The following IQCF5 variants were observed in gnomAD, a reference collection of about 807,000 sequenced individuals.
IQCF5 encodes IQ motif containing F5.
In IQCF5, 2 loss-of-function variants were observed where a neutral mutation model predicts 3.4. The observed-to-expected ratio is 0.58, with a 90% CI of 0.24 to 1.84. The LOEUF is 1.84. Among genes scored for constraint, IQCF5 ranks in the 40% most tolerant of loss-of-function variants. IQCF5 has a pLI of 0.17. For missense variants in IQCF5, 167 were observed against 191.6 expected (o/e 0.87, Z 0.76); for synonymous variants, 58 against 64.7 (o/e 0.90, Z 0.49).
chr3:51,874,650 C>T (rs1271610579), intron 1 of IQCF5: 4 of 357,714 alleles, frequency 1.1e-5, no homozygotes, highest in African/African-American at 6.4e-5. Context: ...ACCTCACACA[C>T]ATTGTGAACA....
At chr3:51,875,323 C>G in intron 1 of IQCF5, 1 of 629,252 alleles carries the variant, frequency 1.6e-6, no homozygotes, top group Non-Finnish European at 2.9e-6. Flanking sequence ...CTGCTAGGTG[C>G]CAAGTCAAAC....
Position 51,873,930 on chromosome 3 carries a change from G to A in IQCF5, c.250C>T (p.Arg84Cys), listed in dbSNP as rs1018528887. The change falls in exon 2 of 2, where the codon CGC (arginine) becomes TGC (cysteine). Residue 84 changes from arginine to cysteine, a missense_variant. Arg to Cys is a radical substitution (Grantham distance 180, BLOSUM62 -3). Coordinates refer to ENST00000446461, the MANE Select transcript of IQCF5 (RefSeq NM_001145059.2). ...TTGAGCAAACGACAGTAACGCTGGC[G>A]GACACACCACATGCGGACCCAGGAC... is the stretch of plus-strand genomic sequence containing the variant. ...LQSWVRMWCVRQRYCRLLNAV... is the reference protein window; with the variant it reads ...LQSWVRMWCVCQRYCRLLNAV... 1.0e-5 allele frequency: 16 copies of A among 1,551,692 alleles called. No homozygotes were observed. Among genetic ancestry groups the A allele is most frequent in the Admixed American group, 9.8e-5 (5 of 50,978 alleles).
chr3:51,874,293 G>C, intron 1 of IQCF5, 118 bp from the exon 2 acceptor site: 5 of 1,008,164 alleles, frequency 5.0e-6, no homozygotes, highest in Non-Finnish European at 7.5e-6. Flanking sequence ...GAACCCAGGA[G>C]ACCAGGTAGG....
At position 51,873,881 on chromosome 3, in the gene IQCF5, T is replaced by C. The variant is rs1296942221; in HGVS notation, c.299A>G (p.Tyr100Cys). The change falls in exon 2 of 2, where the codon TAT (tyrosine) becomes TGT (cysteine). Residue 100 changes from tyrosine (Y) to cysteine (C), a missense_variant. Physicochemically the swap from Tyr to Cys is radical, Grantham distance 194 (BLOSUM62 -2). Transcript: ENST00000446461. ...GGAATGGCAGCTGTGCCAGCGCCAA[T>C]AGACCTGGATGATGCGGACAGCGTT... ...LLNAVRIIQV[Y>C]WRWHSCHSRV... The C allele has an allele frequency of 3.9e-6, 6 of 1,551,604 alleles. No homozygotes were observed. Among genetic ancestry groups the C allele is most frequent in the South Asian group, 2.4e-5 (2 of 84,070 alleles).
At chr3:51,875,182 G>A (rs1221322708) in intron 1 of IQCF5, 1 of 281,062 alleles carries the variant, frequency 3.6e-6, no homozygotes, top group Non-Finnish European at 6.9e-6. Context: ...TCTCCCCTTT[G>A]TTCCTTCCAG....
rs750130798 is a variant in IQCF5 at position 51,873,730 on chromosome 3, T to A, written c.*3A>T. On this transcript the variant is annotated 3_prime_UTR_variant, in exon 2 of 2. Transcript: ENST00000446461. ...GCTGGGGACACAGATATAGCAGACC[T>A]GGTCATTCTTTTAATGGAAGGGGTA... 47 of 1,544,082 alleles carry A rather than the reference T, an allele frequency of 3.0e-5. No homozygotes were observed. The highest frequency in any genetic ancestry group is 4.1e-5 in the Non-Finnish European group (47 of 1,140,562).
rs2107217441 is a variant in IQCF5, at chr3:51,873,782, A to G, written c.398T>C (p.Leu133Ser). The G allele has an allele frequency of 1.3e-6, 2 of 1,551,770 alleles. No homozygotes were observed. Among genetic ancestry groups the G allele is most frequent in the Non-Finnish European group, 1.7e-6 (2 of 1,147,002 alleles). The change falls in exon 2 of 2, where the codon TTA becomes TCA. Residue 133 changes from leucine to serine, a missense_variant. By Grantham distance (145) the Leu-to-Ser change is moderately radical (BLOSUM62 -2). Transcript: ENST00000446461. ...LNIQLEISLG[L>S]QACKVQQCIP... Reference sequence around the variant, plus strand: ...GCATTGTTGCACCTTACAAGCCTGTAAGCCCAAAGAGATTTCAAGTTGAAT... The same window carrying G: ...GCATTGTTGCACCTTACAAGCCTGTGAGCCCAAAGAGATTTCAAGTTGAAT...
At chr3:51,875,243 C>A in intron 1 of IQCF5, 11 of 394,938 alleles carry the variant, frequency 2.8e-5, no homozygotes, top group East Asian at 5.0e-5. Context: ...TCATTTAAAA[C>A]AGCTTGCCAT....
At position 51,873,969 on chromosome 3, in the gene IQCF5, C is replaced by T; in HGVS notation, c.211G>A (p.Ala71Thr). ...LEFYVQQEWA[A>T]VRLQSWVRMW... ...CGGACCCAGGACTGCAGCCTGACTG[C>T]TGCCCATTCCTGCTGCACATAGAAC... The change falls in exon 2 of 2, where the codon GCA (alanine) becomes ACA (threonine). Residue 71 changes from alanine (A) to threonine (T), a missense_variant. By Grantham distance (58) the Ala-to-Thr change is moderately conservative (BLOSUM62 0). Transcript: ENST00000446461. 1 of 1,552,104 alleles carries T rather than the reference C, an allele frequency of 6.4e-7. No homozygotes were observed.
chr3:51,875,385 C>A, intron 1 of IQCF5, 143 bp downstream of exon 1: 1 of 902,808 alleles, frequency 1.1e-6, no homozygotes, highest in Non-Finnish European at 1.8e-6. Context: ...GGACTTCAAA[C>A]ATGGAGGGGG....
intron 1 of IQCF5, chr3:51,874,389 T>C (rs968625974): frequency 1.4e-5 from 10 of 696,792 alleles, no homozygotes; most frequent in Non-Finnish European, 2.6e-5. Context: ...GCAAAATAGG[T>C]GTACATCTGC....
At chr3:51,874,857 G>T (rs973568049) in intron 1 of IQCF5, 2 of 175,354 alleles carry the variant, frequency 1.1e-5, no homozygotes, top group Non-Finnish European at 2.5e-5. Context: ...ACATCTCTCC[G>T]CCTGACAAGA....
chr3:51,875,423 T>C (rs1698785526), intron 1 of IQCF5, 105 bp downstream of exon 1: 6 of 1,254,714 alleles, frequency 4.8e-6, no homozygotes, highest in Non-Finnish European at 6.9e-6. Flanking sequence ...TGTGGGGAAC[T>C]TACTCTCCCC....
chr3:51,874,152 T>C lies in IQCF5; in HGVS notation c.28A>G (p.Thr10Ala), dbSNP rs1559730393. MGPEEKTIM[T>A]ERSAAVFIQA... is the part of the protein sequence containing the mutation. Reference sequence around the variant, plus strand: ...ATGAAAACAGCTGCAGACCTTTCTGTCATGATGGTCTTCTCTTCTGGGCCT... The same window carrying C: ...ATGAAAACAGCTGCAGACCTTTCTGCCATGATGGTCTTCTCTTCTGGGCCT... Residue 10 changes from threonine to alanine, a missense_variant, in exon 2 of 2, where the codon ACA becomes GCA. Physicochemically the swap from Thr to Ala is moderately conservative, Grantham distance 58. Transcript: ENST00000446461. 2 of 1,551,544 alleles carry C rather than the reference T, an allele frequency of 1.3e-6. No individual in the cohort carries two copies. Among genetic ancestry groups the C allele is most frequent in the Non-Finnish European group, 1.7e-6 (2 of 1,146,728 alleles).
At chr3:51,875,003 T>G in intron 1 of IQCF5, 1 of 177,464 alleles carries the variant, frequency 5.6e-6, no homozygotes, top group East Asian at 1.4e-4. Context: ...CTGAAGCCAC[T>G]CTTTGTACAA....
At chr3:51,875,478 A>C in intron 1 of IQCF5, 50 bp downstream of exon 1, 2 of 1,549,764 alleles carry the variant, frequency 1.3e-6, no homozygotes, top group Non-Finnish European at 1.7e-6. Context: ...AAAACATCTG[A>C]CTGGGGACAG....
chr3:51,874,806 A>T (rs1280703405), intron 1 of IQCF5: 2 of 195,856 alleles, frequency 1.0e-5, no homozygotes, highest in East Asian at 2.5e-4. Context: ...CCTCTGCCCC[A>T]CTCCTGGCCA....
chr3:51,874,718 C>T (rs1021594241), intron 1 of IQCF5: 14 of 224,816 alleles, frequency 6.2e-5, no homozygotes, highest in Non-Finnish European at 9.5e-5. Flanking sequence ...CACACTAACA[C>T]ACATTTTGCC....
Position 51,875,592 on chromosome 3 carries a change from C to T in IQCF5, c.-61G>A, listed in dbSNP as rs915481083. 1.2e-5 allele frequency: 18 copies of T among 1,546,554 alleles called. No homozygotes were observed. In the Admixed American group the frequency reaches 2.2e-4, roughly 19 times the overall value. ...CGCACTCCTCCGATCAGGACTCCAACAGGAAGAGTGGAGGAAGGGCGGGAC... is the reference window on the plus strand; with the variant it reads ...CGCACTCCTCCGATCAGGACTCCAATAGGAAGAGTGGAGGAAGGGCGGGAC... On this transcript the variant is annotated 5_prime_UTR_variant, in exon 1 of 2. Transcript: ENST00000446461.
Sources: allele counts gnomAD v4.1 joint callset, GRCh38; gene constraint gnomAD v4.1.1; transcripts MANE v1.5; gene names NCBI Gene and HGNC (gene_info 2026-07-23, HGNC 2026-07-21).